COP1: variants seen among roughly 807,000 people sequenced by gnomAD.
COP1 encodes the protein E3 ubiquitin-protein ligase COP1.
A neutral mutation model predicts 101.3 loss-of-function variants in COP1; 24 were observed. The observed-to-expected ratio is 0.24, with a 90% CI of 0.17 to 0.33. The LOEUF (loss-of-function observed/expected upper bound fraction) is 0.33, where lower values mean the gene tolerates loss of function less well. COP1 is among the 10% of genes least tolerant of loss of function. The pLI is 1.00. For synonymous variants in COP1, 347 were observed against 341.9 expected, an observed-to-expected ratio of 1.01 and a Z score of -0.17; for missense variants, 663 against 906.2, an observed-to-expected ratio of 0.73 and a Z score of 3.45.
intron 18 of COP1, among the ~76,000 whole-genome samples, chr1:175,958,036 T>G (rs1345443912): frequency 6.6e-6 from 1 of 152,102 alleles, no homozygotes; most frequent in Non-Finnish European, 1.5e-5. Context: ...GGGGACTGAT[T>G]ACAAAGTGAC....
At chr1:176,194,921 A>AT (rs1390161340) in intron 1 of COP1, among the ~76,000 whole-genome samples, 4 of 113,766 alleles carry the variant, frequency 3.5e-5, no homozygotes, top group African/African-American at 6.0e-5. Context: ...ACAAAATAAA[A>AT]TTAAAAAAAA....
intron 9 of COP1, 140 bp downstream of exon 9, chr1:176,116,483 AG>A (rs1686206587): frequency 6.6e-6 from 4 of 603,358 alleles, no homozygotes; most frequent in Middle Eastern, 8.3e-4. Context: ...TATGCATAAG[AG>A]CTATTCAAGT....
chr1:175,955,611 GAATA>G (rs1486169456), intron 18 of COP1, among the ~76,000 whole-genome samples: 2 of 152,024 alleles, frequency 1.3e-5, no homozygotes, highest in African/African-American at 4.8e-5. Context: ...TAAGCCACTA[GAATA>G]AATAAATTGT....
chr1:176,176,968 A>T (rs1697038051), intron 2 of COP1, among the ~76,000 whole-genome samples: 1 of 152,294 alleles, frequency 6.6e-6, no homozygotes, highest in East Asian at 1.9e-4. Flanking sequence ...TACCCTTTTG[A>T]ATATTTTACT....
chr1:176,169,345 T>C (rs1558248980), intron 3 of COP1, among the ~76,000 whole-genome samples: 2 of 152,202 alleles, frequency 1.3e-5, no homozygotes, highest in African/African-American at 2.4e-5. Context: ...ATCAATTGTA[T>C]ACTACTACTA....
intron 15 of COP1, among the ~76,000 whole-genome samples, chr1:176,005,587 T>C: frequency 6.6e-6 from 1 of 152,220 alleles, no homozygotes; most frequent in African/African-American, 2.4e-5. Context: ...ACATCTTTAT[T>C]TCTGCCTTCA....
intron 9 of COP1, among the ~76,000 whole-genome samples, chr1:176,099,669 T>C (rs1002658570): frequency 9.8e-5 from 15 of 152,354 alleles, no homozygotes; most frequent in African/African-American, 3.6e-4. Flanking sequence ...AATGTTGTTT[T>C]ACCAAGGCTT....
At chr1:176,156,041 TTTTA>T (rs981733127) in intron 5 of COP1, among the ~76,000 whole-genome samples, 3 of 152,188 alleles carry the variant, frequency 2.0e-5, no homozygotes, top group Middle Eastern at 6.8e-3. Context: ...TTTTGTTCTT[TTTTA>T]TTTATTTATT....
At chr1:176,173,219 G>A (rs1218479899) in intron 3 of COP1, among the ~76,000 whole-genome samples, 2 of 149,542 alleles carry the variant, frequency 1.3e-5, no homozygotes, top group African/African-American at 4.9e-5. Context: ...GCTGAGGCAG[G>A]AGAATCATGT....
At chr1:176,111,537 C>T (rs1685291302) in intron 9 of COP1, among the ~76,000 whole-genome samples, 1 of 152,192 alleles carries the variant, frequency 6.6e-6, no homozygotes, top group Admixed American at 6.5e-5. Flanking sequence ...TTGCGATCCA[C>T]CTGCCTTGGC....
At chr1:176,066,983 C>T (rs1676103311) in intron 11 of COP1, among the ~76,000 whole-genome samples, 1 of 152,102 alleles carries the variant, frequency 6.6e-6, no homozygotes, top group Non-Finnish European at 1.5e-5. Context: ...ATGCAACCCA[C>T]TCATATGACA....
intron 9 of COP1, among the ~76,000 whole-genome samples, chr1:176,108,106 A>G (rs930351253): frequency 6.6e-6 from 1 of 152,082 alleles, no homozygotes; most frequent in African/African-American, 2.4e-5. Context: ...TTAAAAAGTA[A>G]AAATTTTAGG....
At chr1:176,050,140 T>C (rs1275014070) in intron 11 of COP1, among the ~76,000 whole-genome samples, 2 of 152,240 alleles carry the variant, frequency 1.3e-5, no homozygotes, top group Admixed American at 6.5e-5. Flanking sequence ...TCTGGGGACA[T>C]AAATTGCATT....
chr1:176,021,849 T>C (rs547803143), intron 15 of COP1, among the ~76,000 whole-genome samples: 80 of 152,330 alleles, frequency 5.3e-4, no homozygotes, highest in African/African-American at 1.9e-3. Context: ...GCATAAAAAA[T>C]CATTTTAAGT....
intron 18 of COP1, among the ~76,000 whole-genome samples, chr1:175,950,259 G>C (rs1484349271): frequency 6.6e-6 from 1 of 151,360 alleles, no homozygotes; most frequent in Admixed American, 6.6e-5. Context: ...CAGTTTGAAT[G>C]GTCTTTTAGG....
chr1:176,017,908 G>A (rs1037623002), intron 15 of COP1, among the ~76,000 whole-genome samples: 1 of 152,088 alleles, frequency 6.6e-6, no homozygotes, highest in African/African-American at 2.4e-5. Flanking sequence ...CTGTTTTAGA[G>A]AACTGAAAGA....
At chr1:176,131,108 T>A (rs772825706) in intron 8 of COP1, among the ~76,000 whole-genome samples, 16 of 151,764 alleles carry the variant, frequency 1.1e-4, no homozygotes, top group African/African-American at 1.7e-4. Flanking sequence ...GAGAGTTACA[T>A]ACAATTTTAA....
At chr1:176,124,182 TACAG>T (rs1687621461) in intron 8 of COP1, among the ~76,000 whole-genome samples, 2 of 152,200 alleles carry the variant, frequency 1.3e-5, no homozygotes, top group African/African-American at 4.8e-5. Flanking sequence ...GATATTTTGG[TACAG>T]GCATGCAATA....
chr1:176,082,079 T>C (rs1170706353), intron 10 of COP1, among the ~76,000 whole-genome samples: 2 of 152,212 alleles, frequency 1.3e-5, no homozygotes, highest in African/African-American at 4.8e-5. Context: ...AACGAATCTA[T>C]TCTCCAGTCT....
Sources: allele counts gnomAD v4.1 joint callset (sites outside exome capture counted in the v4.1 genomes callset), GRCh38; gene constraint gnomAD v4.1.1; transcripts MANE v1.5; gene names NCBI Gene and HGNC (gene_info 2026-07-23, HGNC 2026-07-21).